Variants in MECOM observed in about 807,000 individuals in gnomAD.
The protein encoded by MECOM is MDS1 and EVI1 complex locus.
Under a neutral mutation model 116.3 loss-of-function variants are expected in MECOM, and 13 were observed. The observed-to-expected ratio is 0.11, with a 90% CI of 0.07 to 0.18. MECOM has a LOEUF of 0.18. Ranked by LOEUF, MECOM falls within the 10% of genes least tolerant of loss-of-function variation. The pLI, the probability that MECOM is intolerant of heterozygous loss-of-function variation, is 1.00. For missense variants in MECOM, 1,299 were observed against 1,509.0 expected (o/e 0.86, Z 2.31); for synonymous variants, 528 against 535.2 (o/e 0.99, Z 0.19).
At chr3:169,131,397 G>T (rs999949408) in intron 4 of MECOM, 32 bp downstream of exon 4, 9 of 1,531,630 alleles carry the variant, frequency 5.9e-6, no homozygotes, top group Non-Finnish European at 6.3e-6. Flanking sequence ...CGATGATAAG[G>T]TGATAAGGAG....
intron 3 of MECOM, among the ~76,000 whole-genome samples, chr3:169,134,260 C>T (rs1048497660): frequency 1.3e-5 from 2 of 152,112 alleles, no homozygotes; most frequent in Non-Finnish European, 2.9e-5. Context: ...ATTATAAAGA[C>T]AATTCTCTTT....
chr3:169,556,028 G>C (rs957656527), intron 1 of MECOM, among the ~76,000 whole-genome samples: 2 of 152,162 alleles, frequency 1.3e-5, no homozygotes, highest in Non-Finnish European at 2.9e-5. Context: ...AGCATCTTTT[G>C]TAGTTGAGAA....
At chr3:169,463,869 A>G (rs1421868739) in intron 1 of MECOM, 1 of 152,146 alleles carries the variant, frequency 6.6e-6, no homozygotes, top group Non-Finnish European at 1.5e-5. Flanking sequence ...TATTTTTATC[A>G]AATATAATTT....
At chr3:169,634,878 A>G (rs1456306078) in intron 1 of MECOM, among the ~76,000 whole-genome samples, 2 of 152,108 alleles carry the variant, frequency 1.3e-5, no homozygotes, top group Non-Finnish European at 2.9e-5. Context: ...AAATCCAAAA[A>G]GTAAACACGG....
chr3:169,562,959 G>A (rs1002908779), intron 1 of MECOM, among the ~76,000 whole-genome samples: 3 of 151,640 alleles, frequency 2.0e-5, no homozygotes, highest in African/African-American at 7.3e-5. Context: ...AGCTACTTGG[G>A]AGGCTGAGGC....
chr3:169,460,037 TA>T (rs1747171123), intron 1 of MECOM, among the ~76,000 whole-genome samples: 1 of 152,154 alleles, frequency 6.6e-6, no homozygotes, highest in Non-Finnish European at 1.5e-5. Context: ...CTCAGGCAGA[TA>T]AACTGAGTCT....
In MECOM at chr3:169,433,361, G is replaced by A. The variant is rs56701779; in HGVS notation, c.38-51837C>T. On this transcript the variant is annotated intron_variant, in intron 1 of 16. Coordinates refer to ENST00000651503, the MANE Select transcript of MECOM (RefSeq NM_004991.4). ...GGCACACTTGTAATCCCAGCTATTC[G>A]GGAGGCTGAGGCAGGAGAATTGCTC... is the stretch of plus-strand genomic sequence containing the variant. Among the ~76,000 whole-genome samples the A allele has an allele frequency of 1.7e-3, 265 of 152,102 alleles. 3 individuals are homozygous for A. In the East Asian group the frequency reaches 0.045, roughly 26 times the overall value.
chr3:169,452,925 C>T (rs1745843358), intron 1 of MECOM, among the ~76,000 whole-genome samples: 1 of 152,150 alleles, frequency 6.6e-6, no homozygotes. Context: ...AGCTTTCATT[C>T]CCTAATCACT....
intron 2 of MECOM, among the ~76,000 whole-genome samples, chr3:169,309,709 T>C (rs1718377920): frequency 1.3e-5 from 2 of 152,220 alleles, no homozygotes; most frequent in African/African-American, 4.8e-5. Flanking sequence ...GGGTAATTCT[T>C]GTTGAAGCAT....
chr3:169,209,461 C>A (rs1003042737), intron 2 of MECOM, among the ~76,000 whole-genome samples: 15 of 152,012 alleles, frequency 9.9e-5, no homozygotes, highest in Admixed American at 2.0e-4. Flanking sequence ...ACCCATCTGA[C>A]AAAGGGCTAA....
chr3:169,644,803 G>C (rs372584354), intron 1 of MECOM, among the ~76,000 whole-genome samples: 1 of 152,100 alleles, frequency 6.6e-6, no homozygotes, highest in Non-Finnish European at 1.5e-5. Flanking sequence ...ATCTCTCAGA[G>C]GTTTGTGCAA....
At chr3:169,179,443 C>T (rs914840996) in intron 2 of MECOM, among the ~76,000 whole-genome samples, 64 of 133,850 alleles carry the variant, frequency 4.8e-4, no homozygotes, top group Non-Finnish European at 9.4e-4. Context: ...CCAGCTGCTG[C>T]GGAATGTTTG....
chr3:169,516,692 G>A (rs551914000), intron 1 of MECOM, among the ~76,000 whole-genome samples: 1 of 152,152 alleles, frequency 6.6e-6, no homozygotes, highest in Non-Finnish European at 1.5e-5. Context: ...TTAATTATCT[G>A]CTATAGATTC....
intron 1 of MECOM, among the ~76,000 whole-genome samples, chr3:169,414,287 A>G (rs980484036): frequency 2.6e-4 from 40 of 152,180 alleles, no homozygotes; most frequent in African/African-American, 9.6e-4. Flanking sequence ...GCAGACCTGC[A>G]GACGAGGAGC....
chr3:169,365,525 G>C (rs1729020974), intron 2 of MECOM, among the ~76,000 whole-genome samples: 1 of 152,016 alleles, frequency 6.6e-6, no homozygotes, highest in Non-Finnish European at 1.5e-5. Flanking sequence ...TGGAACAAAT[G>C]CTTCTCTGAC....
At chr3:169,617,104 T>A (rs1205488667) in intron 1 of MECOM, among the ~76,000 whole-genome samples, 1 of 152,224 alleles carries the variant, frequency 6.6e-6, no homozygotes. Context: ...AAACCCAGTA[T>A]ATTTTTTTAA....
At chr3:169,557,584 A>G (rs1263637415) in intron 1 of MECOM, among the ~76,000 whole-genome samples, 3 of 152,240 alleles carry the variant, frequency 2.0e-5, no homozygotes, top group Non-Finnish European at 4.4e-5. Context: ...AGCATCAGGT[A>G]TATTGTCTAC....
At chr3:169,113,754 C>T (rs183642399) in intron 8 of MECOM, among the ~76,000 whole-genome samples, 26 of 152,088 alleles carry the variant, frequency 1.7e-4, no homozygotes, top group Admixed American at 5.2e-4. Flanking sequence ...AAAATACCTA[C>T]CACTTATTGA....
At chr3:169,146,760 C>T (rs1400404814) in intron 2 of MECOM, 19 of 1,183,046 alleles carry the variant, frequency 1.6e-5, no homozygotes, top group Non-Finnish European at 1.7e-5. Context: ...CAATAATAGG[C>T]ATTCACAGAA....
Sources: gnomAD v4.1 joint callset for allele counts (sites outside exome capture counted in the v4.1 genomes callset) on GRCh38, gnomAD v4.1.1 for gene constraint, MANE v1.5 for transcripts, NCBI Gene and HGNC (gene_info 2026-07-23, HGNC 2026-07-21) for gene names.